NRXN3: variants seen among roughly 807,000 people sequenced by gnomAD.
NRXN3 encodes neurexin III.
Under a neutral mutation model 137.6 loss-of-function variants are expected in NRXN3, and 32 were observed. That is an observed-to-expected ratio of 0.23 (90% CI 0.18 to 0.31). The LOEUF is 0.31. Among genes scored for constraint, NRXN3 ranks in the 10% least tolerant of loss-of-function variants. The pLI is 1.00. For missense variants in NRXN3, 1,574 were observed against 2,062.5 expected, an observed-to-expected ratio of 0.76 and a Z score of 4.59; for synonymous variants, 798 against 784.5, an observed-to-expected ratio of 1.02 and a Z score of -0.29.
intron 15 of NRXN3, among the ~76,000 whole-genome samples, chr14:79,362,526 A>C (rs1273856369): frequency 1.3e-5 from 2 of 152,188 alleles, no homozygotes; most frequent in African/African-American, 4.8e-5. Flanking sequence ...CAGGAAAAAA[A>C]CTGATTAGAC....
At chr14:79,151,410 G>T (rs2059785765) in intron 15 of NRXN3, among the ~76,000 whole-genome samples, 1 of 152,034 alleles carries the variant, frequency 6.6e-6, no homozygotes, top group Admixed American at 6.6e-5. Context: ...TAGCAAGTAT[G>T]GCAGGGAGCA....
At chr14:78,649,673 A>G (rs1489397688) in intron 5 of NRXN3, among the ~76,000 whole-genome samples, 1 of 150,580 alleles carries the variant, frequency 6.6e-6, no homozygotes, top group Non-Finnish European at 1.5e-5. Flanking sequence ...TATAGTGAGA[A>G]CTTCCTTCTT....
rs1037700242 is a variant in NRXN3, at chr14:79,193,533, T to C, written c.3262+205392T>C. Among the ~76,000 whole-genome samples the C allele has an allele frequency of 5.3e-5, 8 of 152,376 alleles. 1 individual carries two copies. In the South Asian group the frequency reaches 1.7e-3, roughly 32 times the overall value. The stretch of plus-strand genomic sequence containing the variant: ...ACATTAAACTTACGTTGCAGTCAAT[T>C]TTTAATTTTGCAAACCTTAACCGAT... On this transcript the variant is annotated intron_variant, in intron 15 of 20. Coordinates refer to ENST00000335750, the MANE Select transcript of NRXN3 (RefSeq NM_001330195.2).
At chr14:79,043,348 T>C (rs1270697375) in intron 15 of NRXN3, among the ~76,000 whole-genome samples, 1 of 152,140 alleles carries the variant, frequency 6.6e-6, no homozygotes, top group African/African-American at 2.4e-5. Context: ...AGCAACCCTG[T>C]AGCGTGAGCC....
At chr14:78,996,268 C>T (rs1481733587) in intron 15 of NRXN3, among the ~76,000 whole-genome samples, 1 of 152,092 alleles carries the variant, frequency 6.6e-6, no homozygotes. Context: ...CCACGGCAAC[C>T]CTAAAAGTAG....
intron 15 of NRXN3, among the ~76,000 whole-genome samples, chr14:79,216,484 G>A (rs934955871): frequency 1.1e-4 from 17 of 152,278 alleles, no homozygotes; most frequent in South Asian, 4.2e-4. Flanking sequence ...GCAAAAGAGC[G>A]TGTTGGATGG....
At chr14:79,016,600 A>G (rs1056170865) in intron 15 of NRXN3, among the ~76,000 whole-genome samples, 2 of 152,198 alleles carry the variant, frequency 1.3e-5, no homozygotes, top group African/African-American at 2.4e-5. Context: ...ATCAATAGCT[A>G]CAAGAGTGAT....
At chr14:79,357,421 G>A (rs556279062) in intron 15 of NRXN3, among the ~76,000 whole-genome samples, 3 of 152,028 alleles carry the variant, frequency 2.0e-5, no homozygotes, top group South Asian at 2.1e-4. Context: ...ATTTGATTTC[G>A]GTTTGGTTTG....
At chr14:78,812,048 A>G (rs1246444011) in intron 10 of NRXN3, among the ~76,000 whole-genome samples, 37 of 152,262 alleles carry the variant, frequency 2.4e-4, no homozygotes, top group Non-Finnish European at 1.2e-4. Context: ...TTTTCATACC[A>G]CTACATTTAC....
chr14:78,884,147 T>C (rs1054555955), intron 10 of NRXN3, among the ~76,000 whole-genome samples: 1 of 152,206 alleles, frequency 6.6e-6, no homozygotes, highest in African/African-American at 2.4e-5. Context: ...CTAATTGCTC[T>C]TAAAATCTTG....
intron 4 of NRXN3, among the ~76,000 whole-genome samples, chr14:78,489,106 T>C (rs1380451364): frequency 6.6e-6 from 1 of 152,150 alleles, no homozygotes; most frequent in African/African-American, 2.4e-5. Context: ...AGGTTTGGTG[T>C]GGATAGCTGA....
At chr14:78,772,016 T>A (rs1382988248) in intron 8 of NRXN3, among the ~76,000 whole-genome samples, 6 of 152,302 alleles carry the variant, frequency 3.9e-5, no homozygotes, top group Non-Finnish European at 8.8e-5. Context: ...ATATATACCT[T>A]ATATACATAG....
At chr14:79,160,892 T>A (rs566124079) in intron 15 of NRXN3, among the ~76,000 whole-genome samples, 1 of 152,042 alleles carries the variant, frequency 6.6e-6, no homozygotes, top group South Asian at 2.1e-4. Context: ...CAACCAGAGA[T>A]AATTAATTAT....
At chr14:78,602,430 G>A (rs971819186) in intron 4 of NRXN3, 11 of 152,074 alleles carry the variant, frequency 7.2e-5, no homozygotes, top group Non-Finnish European at 1.0e-4. Context: ...GGCACCTGAC[G>A]TCCTTCCTTA....
chr14:79,804,829 A>G (rs532837523), intron 19 of NRXN3, among the ~76,000 whole-genome samples: 1 of 152,072 alleles, frequency 6.6e-6, no homozygotes, highest in Non-Finnish European at 1.5e-5. Context: ...AGGCTACAAA[A>G]TGTCATTTAT....
chr14:78,559,005 A>G (rs2096763526), intron 4 of NRXN3, among the ~76,000 whole-genome samples: 1 of 152,204 alleles, frequency 6.6e-6, no homozygotes, highest in South Asian at 2.1e-4. Context: ...ATTTTGCCCT[A>G]GTGAAACAAA....
intron 6 of NRXN3, among the ~76,000 whole-genome samples, chr14:78,655,857 C>T (rs1033705097): frequency 7.2e-5 from 11 of 152,138 alleles, no homozygotes; most frequent in Non-Finnish European, 2.9e-5. Context: ...AACAGTGTGC[C>T]AGCCTGGTCA....
intron 6 of NRXN3, among the ~76,000 whole-genome samples, chr14:78,686,137 G>A (rs1164763945): frequency 1.3e-5 from 2 of 152,104 alleles, no homozygotes; most frequent in African/African-American, 4.8e-5. Flanking sequence ...CTGCATCTGT[G>A]TCATCTACTT....
At chr14:79,338,485 T>G (rs2092414637) in intron 15 of NRXN3, among the ~76,000 whole-genome samples, 1 of 152,152 alleles carries the variant, frequency 6.6e-6, no homozygotes, top group African/African-American at 2.4e-5. Context: ...GAGCTCAGGC[T>G]TTAGAATCCC....
Sources: gnomAD v4.1 joint callset for allele counts (sites outside exome capture counted in the v4.1 genomes callset) on GRCh38, gnomAD v4.1.1 for gene constraint, MANE v1.5 for transcripts, NCBI Gene and HGNC (gene_info 2026-07-23, HGNC 2026-07-21) for gene names.